The following UBE2W variants were observed in gnomAD, a reference collection of about 807,000 sequenced individuals.
UBE2W encodes ubiquitin conjugating enzyme E2 W, also known as ubiquitin-conjugating enzyme E2 W.
Under a neutral mutation model 27.2 loss-of-function variants are expected in UBE2W, and 18 were observed. The observed-to-expected ratio is 0.66, with a 90% CI of 0.46 to 0.98. UBE2W has a LOEUF of 0.98. Among genes scored for constraint, UBE2W ranks in the 50% least tolerant of loss-of-function variants. The pLI, the probability that UBE2W is intolerant of heterozygous loss-of-function variation, is 0.00. For synonymous variants in UBE2W, 53 were observed against 57.2 expected (o/e 0.93, Z 0.33); for missense variants, 90 against 180.2 (o/e 0.50, Z 2.87).
At chr8:73,828,913 T>A (rs187391338) in intron 2 of UBE2W, among the ~76,000 whole-genome samples, 3 of 152,180 alleles carry the variant, frequency 2.0e-5, no homozygotes. Flanking sequence ...GCTTTCATCA[T>A]CCTCGTTATG....
chr8:73,816,092 G>T (rs1363622919), intron 3 of UBE2W, among the ~76,000 whole-genome samples: 1 of 152,184 alleles, frequency 6.6e-6, no homozygotes. Context: ...CTCATACACA[G>T]CAAGCATCCA....
intron 1 of UBE2W, among the ~76,000 whole-genome samples, chr8:73,864,749 TTGG>T (rs1316203728): frequency 5.5e-4 from 2 of 3,612 alleles, no homozygotes; most frequent in Non-Finnish European, 1.2e-3. Flanking sequence ...GCAAATTTTT[TTGG>T]GGGGGGGGGG....
chr8:73,819,447 A>G (rs1356619653), intron 3 of UBE2W, among the ~76,000 whole-genome samples: 2 of 152,236 alleles, frequency 1.3e-5, no homozygotes, highest in East Asian at 3.8e-4. Context: ...TAAACTGTTT[A>G]AAGGCAGGCC....
In UBE2W at chr8:73,790,862, C is replaced by T. The variant is rs777164751; in HGVS notation, c.*3240G>A. On this transcript the variant is annotated 3_prime_UTR_variant, in exon 6 of 6. Coordinates refer to ENST00000602593, the MANE Select transcript of UBE2W (RefSeq NM_018299.6). ...CAACTTGGAAACAATTAAGCAGTCA[C>T]TAGACACCTGTTTTAGAATCTGAAG... 4.8e-5 allele frequency: 47 copies of T among 985,056 alleles called. No homozygotes were observed. Among genetic ancestry groups the T allele is most frequent in the Middle Eastern group, 5.2e-4 (1 of 1,936 alleles). The allele number at this position is 985,056 out of a possible 1,614,324, so 61.0% of individuals were successfully genotyped here.
intron 3 of UBE2W, among the ~76,000 whole-genome samples, chr8:73,816,532 A>AG (rs928447835): frequency 2.6e-5 from 4 of 152,060 alleles, no homozygotes; most frequent in African/African-American, 9.7e-5. Flanking sequence ...CATGAATAGG[A>AG]GGGGGGAATG....
intron 3 of UBE2W, among the ~76,000 whole-genome samples, chr8:73,812,983 C>T (rs995489921): frequency 2.9e-5 from 4 of 138,286 alleles, no homozygotes; most frequent in Admixed American, 8.1e-5. Context: ...CCAGCCTGGG[C>T]GACAAGAGCG....
intron 3 of UBE2W, among the ~76,000 whole-genome samples, chr8:73,823,759 T>C (rs1809717181): frequency 6.6e-6 from 1 of 152,238 alleles, no homozygotes; most frequent in Non-Finnish European, 1.5e-5. Flanking sequence ...GGTAGTTTTC[T>C]GCTCATATGA....
intron 1 of UBE2W, among the ~76,000 whole-genome samples, chr8:73,859,528 TTTC>T (rs1811457710): frequency 6.6e-6 from 1 of 152,194 alleles, no homozygotes; most frequent in South Asian, 2.1e-4. Context: ...CGCTCATGAT[TTTC>T]TTAATAACAT....
chr8:73,840,866 AAAAAT>A (rs143122007), intron 1 of UBE2W, among the ~76,000 whole-genome samples: 1 of 152,312 alleles, frequency 6.6e-6, no homozygotes, highest in Non-Finnish European at 1.5e-5. Context: ...AAATATGAAG[AAAAAT>A]AAAGCAAATT....
chr8:73,874,344 C>T lies in UBE2W; in HGVS notation c.15+4464G>A, dbSNP rs1022393341. 1.9e-4 allele frequency among the ~76,000 whole-genome samples: 29 copies of T among 152,072 alleles called. 1 individual carries two copies. Among genetic ancestry groups the T allele is most frequent in the South Asian group, 6.2e-4 (3 of 4,824 alleles). ...TACGCGGGAGACTGAGGCAGGAGAA[C>T]GGCATGAAGCCCGGGGATTGGAGCC... On this transcript the variant is annotated intron_variant, in intron 1 of 5. Transcript: ENST00000602593.
chr8:73,843,761 T>A (rs1810643793), intron 1 of UBE2W, among the ~76,000 whole-genome samples: 2 of 108,028 alleles, frequency 1.9e-5, no homozygotes, highest in African/African-American at 3.6e-5. Flanking sequence ...ATAATGAAAA[T>A]ATGAAAGGTA....
intron 5 of UBE2W, among the ~76,000 whole-genome samples, chr8:73,799,466 G>T (rs1808551619): frequency 6.6e-6 from 1 of 152,158 alleles, no homozygotes; most frequent in Admixed American, 6.5e-5. Context: ...TGGCAGCTCA[G>T]CTTTAGCATG....
downstream of UBE2W, among the ~76,000 whole-genome samples, chr8:73,781,850 T>C (rs370593180): frequency 8.5e-5 from 13 of 152,074 alleles, no homozygotes; most frequent in African/African-American, 2.9e-4. Context: ...TTTGGACAAT[T>C]TGATTATGGC....
chr8:73,788,102 T>C lies in UBE2W; in HGVS notation c.*6000A>G, dbSNP rs1376162740. On this transcript the variant is annotated 3_prime_UTR_variant, in exon 6 of 6. Coordinates refer to ENST00000602593, the MANE Select transcript of UBE2W (RefSeq NM_018299.6). ...AAAAAGAGGTCTGGTATCTATCCCA[T>C]TTAGTATTCAAGTCTACAGAAAAAA... 3.0e-6 allele frequency: 3 copies of C among 984,034 alleles called. No homozygotes were observed. Among genetic ancestry groups the C allele is most frequent in the Non-Finnish European group, 3.6e-6 (3 of 828,666 alleles). The allele number at this position is 984,034 out of a possible 1,614,324, so 61.0% of individuals were successfully genotyped here.
At position 73,791,171 on chromosome 8, in the gene UBE2W, TAA is replaced by T. The variant is rs1174653164; in HGVS notation, c.*2929_*2930del. On this transcript the variant is annotated 3_prime_UTR_variant, in exon 6 of 6. Coordinates refer to ENST00000602593, the MANE Select transcript of UBE2W (RefSeq NM_018299.6). ...CCTTCAGAAGTGAATATTAATTCCT[TAA>T]GAGAACCATAAAATGTATTTTTAAA... 3 of 982,434 alleles carry T rather than the reference TAA, an allele frequency of 3.1e-6. No individual in the cohort carries two copies. The highest frequency in any genetic ancestry group is 4.7e-5 in the South Asian group (1 of 21,222). The allele number at this position is 982,434 out of a possible 1,614,324, so 60.9% of individuals were successfully genotyped here.
chr8:73,861,486 T>C (rs1464674492), intron 1 of UBE2W, among the ~76,000 whole-genome samples: 3 of 152,160 alleles, frequency 2.0e-5, no homozygotes, highest in Non-Finnish European at 4.4e-5. Flanking sequence ...TCTGTTGTTA[T>C]TTTTTGTAGA....
At chr8:73,803,462 TG>T (rs1325780382) in intron 5 of UBE2W, among the ~76,000 whole-genome samples, 2 of 152,198 alleles carry the variant, frequency 1.3e-5, no homozygotes, top group Non-Finnish European at 2.9e-5. Context: ...GTGTCCTGTC[TG>T]GTAGATTAAT....
At chr8:73,840,144 C>T (rs2130925987) in intron 1 of UBE2W, among the ~76,000 whole-genome samples, 1 of 152,214 alleles carries the variant, frequency 6.6e-6, no homozygotes, top group East Asian at 1.9e-4. Context: ...GCAAACTCTG[C>T]CTCCAAGGTT....
chr8:73,872,885 ATCCTTTTTTTTTT>A (rs1266280556), intron 1 of UBE2W, among the ~76,000 whole-genome samples: 13 of 150,124 alleles, frequency 8.7e-5, no homozygotes, highest in East Asian at 1.9e-4. Flanking sequence ...TTCAAAGATA[ATCCTTTTTTTTTT>A]TCCTTTTTTT....
Sources: allele counts gnomAD v4.1 joint callset (sites outside exome capture counted in the v4.1 genomes callset), GRCh38; gene constraint gnomAD v4.1.1; transcripts MANE v1.5; gene names NCBI Gene and HGNC (gene_info 2026-07-23, HGNC 2026-07-21).